PPP1R14C: variants seen among roughly 807,000 people sequenced by gnomAD.
PPP1R14C encodes the protein protein phosphatase 1 regulatory inhibitor subunit 14C, also known as protein phosphatase 1 regulatory subunit 14C.
In PPP1R14C, 16 loss-of-function variants were observed where a neutral mutation model predicts 20.4. The ratio of observed to expected loss-of-function variants is 0.78; its 90% CI spans 0.53 to 1.19. PPP1R14C has a LOEUF of 1.19. PPP1R14C is among the 50% of genes most tolerant of loss of function. PPP1R14C has a pLI of 0.00. For missense variants in PPP1R14C, 211 were observed against 220.1 expected, an observed-to-expected ratio of 0.96 and a Z score of 0.26; for synonymous variants, 91 against 91.0, an observed-to-expected ratio of 1.00 and a Z score of 0.00.
At chr6:150,194,416 G>C in intron 1 of PPP1R14C, 2 of 980,218 alleles carry the variant, frequency 2.0e-6, no homozygotes, top group African/African-American at 1.7e-5. Context: ...TCTCTTGAGA[G>C]TATGTACAAA....
chr6:150,181,929 C>T (rs1483935954), intron 1 of PPP1R14C, among the ~76,000 whole-genome samples: 2 of 152,114 alleles, frequency 1.3e-5, no homozygotes, highest in Non-Finnish European at 2.9e-5. Flanking sequence ...TATGTTTATC[C>T]CCTTCTTCTT....
intron 1 of PPP1R14C, among the ~76,000 whole-genome samples, chr6:150,199,289 C>T (rs921750148): frequency 2.0e-5 from 3 of 152,110 alleles, no homozygotes; most frequent in South Asian, 2.1e-4. Context: ...TCGAATGTGT[C>T]CCCTCCAAAA....
chr6:150,220,151 G>A (rs568358364), intron 3 of PPP1R14C, among the ~76,000 whole-genome samples: 2 of 152,308 alleles, frequency 1.3e-5, no homozygotes, highest in East Asian at 1.9e-4. Context: ...CACCGCGCCC[G>A]GCCAAGACTG....
At chr6:150,162,335 G>A (rs1167664888) in intron 1 of PPP1R14C, among the ~76,000 whole-genome samples, 4 of 152,156 alleles carry the variant, frequency 2.6e-5, no homozygotes, top group East Asian at 1.9e-4. Context: ...GATTATAGGC[G>A]TGAGCCACCG....
At chr6:150,229,834 TGCCAGCAAA>T (rs1778273261) in intron 3 of PPP1R14C, among the ~76,000 whole-genome samples, 1 of 152,170 alleles carries the variant, frequency 6.6e-6, no homozygotes, top group Non-Finnish European at 1.5e-5. Context: ...TGGTGCGCCA[TGCCAGCAAA>T]TGAACCTCTC....
Position 150,248,851 on chromosome 6 carries a change from C to T in PPP1R14C, c.*31C>T, listed in dbSNP as rs116775070. On this transcript the variant is annotated 3_prime_UTR_variant, in exon 4 of 4. Transcript: ENST00000361131. The stretch of plus-strand genomic sequence containing the variant: ...GAACAGGGTGAAACTCTCCCAGAGA[C>T]GAAGAAAGAGTCCTGGGATTTGTAC... 3.0e-3 allele frequency: 4,401 copies of T among 1,453,934 alleles called. 59 individuals are homozygous for T. The African/African-American group carries it at 0.041, about 14-fold the overall frequency. The allele number at this position is 1,453,934 out of a possible 1,614,324, so 90.1% of individuals were successfully genotyped here. A position where few individuals can be genotyped will look rare whatever the true frequency, so the allele number is the denominator to read the frequency against.
intron 1 of PPP1R14C, among the ~76,000 whole-genome samples, chr6:150,180,029 C>G (rs1300387124): frequency 6.6e-6 from 1 of 152,164 alleles, no homozygotes; most frequent in Non-Finnish European, 1.5e-5. Flanking sequence ...TGACAAGACC[C>G]TGTCTCTACC....
intron 3 of PPP1R14C, among the ~76,000 whole-genome samples, chr6:150,217,193 G>GTTTTTTTTTTTTTTTTTTTTTTTT (rs201443446): frequency 6.7e-6 from 1 of 148,748 alleles, no homozygotes. Context: ...TTATTGGTAT[G>GTTTTTTTTTTTTTTTTTTTTTTTT]TATTTTTTTT....
At chr6:150,175,378 C>G (rs926020544) in intron 1 of PPP1R14C, among the ~76,000 whole-genome samples, 10 of 152,202 alleles carry the variant, frequency 6.6e-5, no homozygotes, top group African/African-American at 2.4e-4. Context: ...GGACCCAGTG[C>G]TTCCCTCTTT....
chr6:150,154,533 A>G (rs1400897310), intron 1 of PPP1R14C, among the ~76,000 whole-genome samples: 2 of 152,272 alleles, frequency 1.3e-5, no homozygotes, highest in African/African-American at 4.8e-5. Flanking sequence ...TAGATGTTCT[A>G]TGCTAAAGCC....
At chr6:150,151,191 A>G (rs1777243388) in intron 1 of PPP1R14C, among the ~76,000 whole-genome samples, 2 of 152,058 alleles carry the variant, frequency 1.3e-5, no homozygotes, top group South Asian at 2.1e-4. Context: ...TATTCAGACA[A>G]CTTTGAAATG....
intron 1 of PPP1R14C, among the ~76,000 whole-genome samples, chr6:150,168,870 C>G (rs999326943): frequency 1.3e-5 from 2 of 152,038 alleles, no homozygotes; most frequent in Non-Finnish European, 2.9e-5. Flanking sequence ...TTTAACATAT[C>G]GATAGAAAAT....
chr6:150,238,696 C>G (rs1778395770), intron 3 of PPP1R14C, among the ~76,000 whole-genome samples: 1 of 152,266 alleles, frequency 6.6e-6, no homozygotes, highest in African/African-American at 2.4e-5. Flanking sequence ...ACCTTCTGCT[C>G]TGCATCTCAG....
chr6:150,214,319 A>T (rs1201529978), intron 1 of PPP1R14C, among the ~76,000 whole-genome samples: 3 of 152,218 alleles, frequency 2.0e-5, no homozygotes, highest in Non-Finnish European at 4.4e-5. Context: ...CGGCTCTATC[A>T]TCTGCCAGTC....
intron 1 of PPP1R14C, among the ~76,000 whole-genome samples, chr6:150,144,623 T>C (rs1340981369): frequency 6.6e-6 from 1 of 152,234 alleles, no homozygotes; most frequent in African/African-American, 2.4e-5. Context: ...TTACCACTAA[T>C]GTCGGGTGTT....
intron 1 of PPP1R14C, among the ~76,000 whole-genome samples, chr6:150,174,258 C>T (rs914949083): frequency 1.3e-5 from 2 of 152,140 alleles, no homozygotes; most frequent in African/African-American, 2.4e-5. Context: ...CTCCCTCTGT[C>T]GCCCAGGCTG....
intron 3 of PPP1R14C, among the ~76,000 whole-genome samples, chr6:150,220,425 A>G (rs1582925181): frequency 6.6e-6 from 1 of 152,256 alleles, no homozygotes; most frequent in East Asian, 1.9e-4. Context: ...TTCTTTATTT[A>G]TAGGTAGTTG....
At chr6:150,217,852 G>A (rs759888680) in intron 3 of PPP1R14C, among the ~76,000 whole-genome samples, 1 of 152,180 alleles carries the variant, frequency 6.6e-6, no homozygotes, top group South Asian at 2.1e-4. Context: ...AATTAAAAGG[G>A]GGGAGGAAAG....
intron 3 of PPP1R14C, among the ~76,000 whole-genome samples, chr6:150,231,540 T>C (rs1214774731): frequency 1.3e-5 from 2 of 152,244 alleles, no homozygotes; most frequent in Non-Finnish European, 2.9e-5. Context: ...TCTTCACTTT[T>C]ATGCCAGAGT....
Sources: allele counts gnomAD v4.1 joint callset (sites outside exome capture counted in the v4.1 genomes callset), GRCh38; gene constraint gnomAD v4.1.1; transcripts MANE v1.5; gene names NCBI Gene and HGNC (gene_info 2026-07-23, HGNC 2026-07-21).